Variants in TOPAZ1 observed in about 807,000 individuals in gnomAD.
TOPAZ1 encodes protein TOPAZ1.
TOPAZ1 carries 66 observed loss-of-function variants against 172.2 expected under a neutral mutation model. The observed-to-expected ratio is 0.38, with a 90% CI of 0.31 to 0.47. The LOEUF is 0.47. TOPAZ1 is among the 20% of genes least tolerant of loss of function. The pLI is 0.99. For synonymous variants in TOPAZ1, 681 were observed against 683.9 expected (o/e 1.00, Z 0.07); for missense variants, 1,822 against 1,972.4 (o/e 0.92, Z 1.44).
At chr3:44,297,465 A>G (rs1459950066) in intron 12 of TOPAZ1, among the ~76,000 whole-genome samples, 1 of 152,220 alleles carries the variant, frequency 6.6e-6, no homozygotes, top group Admixed American at 6.5e-5. Context: ...AAAGTCAGCA[A>G]ATTATGAATA....
At chr3:44,309,256 T>G (rs529824652) in intron 15 of TOPAZ1, among the ~76,000 whole-genome samples, 1 of 152,238 alleles carries the variant, frequency 6.6e-6, no homozygotes, top group South Asian at 2.1e-4. Context: ...GCTAACAAGT[T>G]TATCCTTTTT....
chr3:44,292,863 G>A (rs1267350919), intron 12 of TOPAZ1, among the ~76,000 whole-genome samples: 1 of 152,132 alleles, frequency 6.6e-6, no homozygotes, highest in Non-Finnish European at 1.5e-5. Context: ...TTGCCCTATT[G>A]TGCTTTCAAA....
rs1416868179 is a variant in TOPAZ1 at position 44,244,816 on chromosome 3, T to C, written c.2310T>C (p.Ser770=). Residue 770 remains serine, a synonymous_variant, in exon 2 of 20, where the codon TCT becomes TCC. Transcript: ENST00000309765. ...SFYNKKSYSI[S]PSFTKQGNNS... ...ACAATAAGAAATCCTATAGTATTTC[T>C]CCAAGCTTTACAAAGCAAGGTAACA... The C allele has an allele frequency of 3.2e-6, 5 of 1,551,612 alleles. No homozygotes were observed. Among genetic ancestry groups the C allele is most frequent in the African/African-American group, 1.4e-5 (1 of 73,146 alleles).
At chr3:44,311,652 A>G (rs1700398587) in intron 16 of TOPAZ1, among the ~76,000 whole-genome samples, 1 of 152,136 alleles carries the variant, frequency 6.6e-6, no homozygotes, top group African/African-American at 2.4e-5. Flanking sequence ...CATAAGTAAA[A>G]TTTTATCTCT....
chr3:44,318,130 G>A (rs886921492), intron 16 of TOPAZ1, among the ~76,000 whole-genome samples: 3 of 131,566 alleles, frequency 2.3e-5, no homozygotes, highest in Admixed American at 8.0e-5. Flanking sequence ...GGTCAGGCCA[G>A]GAAGGGGAGA....
downstream of TOPAZ1, among the ~76,000 whole-genome samples, chr3:44,333,161 G>A (rs1279266250): frequency 6.6e-6 from 1 of 151,964 alleles, no homozygotes. Context: ...CACAAAATAT[G>A]GTAAATAGCA....
In TOPAZ1 at chr3:44,305,230, C is replaced by G; in HGVS notation, c.3948C>G (p.Phe1316Leu). 1 of 1,548,164 alleles carries G rather than the reference C, an allele frequency of 6.5e-7. No individual in the cohort carries two copies. Among genetic ancestry groups the G allele is most frequent in the Non-Finnish European group, 8.7e-7 (1 of 1,145,796 alleles). ...TGGGCTGTGAAAAATTTGCAGATTT[C>G]CAGACATTTTGTGCTTGCATTGCTG... is the stretch of plus-strand genomic sequence containing the variant. ...VKMGCEKFAD[F>L]QTFCACIAET... The change falls in exon 14 of 20, where the codon TTC becomes TTG. Residue 1316 changes from phenylalanine (F) to leucine (L), a missense_variant. Phe to Leu is a conservative substitution (Grantham distance 22). Transcript: ENST00000309765.
In TOPAZ1 at chr3:44,299,466, G is replaced by A. The variant is rs534887481; in HGVS notation, c.3798-4549G>A. On this transcript the variant is annotated intron_variant, in intron 12 of 19. Coordinates refer to ENST00000309765, the MANE Select transcript of TOPAZ1 (RefSeq NM_001145030.2). Reference sequence around the variant, plus strand: ...GTCAGGAAACAACAGGTGCTGGAGAGGATGTGGAGAAATAGGAACACTTTT... The same window carrying A: ...GTCAGGAAACAACAGGTGCTGGAGAAGATGTGGAGAAATAGGAACACTTTT... Among the ~76,000 whole-genome samples the A allele has an allele frequency of 1.0e-3, 155 of 151,988 alleles. 4 individuals carry two copies. The highest frequency in any genetic ancestry group is 0.01 in the Admixed American group (154 of 15,276).
chr3:44,265,365 T>G (rs945216148), intron 5 of TOPAZ1, among the ~76,000 whole-genome samples: 5 of 152,140 alleles, frequency 3.3e-5, no homozygotes, highest in South Asian at 2.1e-4. Context: ...TTCACCAGCA[T>G]GGCCAAGATG....
chr3:44,262,271 T>C (rs550936529), intron 4 of TOPAZ1, 148 bp from the exon 5 acceptor site: 8 of 361,710 alleles, frequency 2.2e-5, no homozygotes, highest in African/African-American at 1.3e-4. Context: ...TTTTAAATTA[T>C]GTAGAGTAGA....
At chr3:44,326,879 T>G (rs1252454925) in intron 18 of TOPAZ1, among the ~76,000 whole-genome samples, 1 of 152,232 alleles carries the variant, frequency 6.6e-6, no homozygotes, top group Non-Finnish European at 1.5e-5. Flanking sequence ...ATCGTATTAG[T>G]AGATTTCTAG....
At chr3:44,311,125 A>G (rs1235412578) in intron 16 of TOPAZ1, among the ~76,000 whole-genome samples, 1 of 151,724 alleles carries the variant, frequency 6.6e-6, no homozygotes, top group Non-Finnish European at 1.5e-5. Context: ...ACACTAGCAC[A>G]TATATATATA....
At position 44,244,646 on chromosome 3, in the gene TOPAZ1, C is replaced by T. The variant is rs1268484377; in HGVS notation, c.2140C>T (p.Pro714Ser). 1.9e-6 allele frequency: 3 copies of T among 1,551,332 alleles called. No individual in the cohort carries two copies. The South Asian group carries it at 3.6e-5, about 18-fold the overall frequency. The change falls in exon 2 of 20, where the codon CCT (proline) becomes TCT (serine). Residue 714 changes from proline (P) to serine (S), a missense_variant. This residue lies in a region of TOPAZ1 where 1,489 missense variants were observed against 1,490.8 expected (regional missense o/e 1.00). Transcript: ENST00000309765. ...GTCATCAGAGAGAGAAGCTTACAGT[C>T]CTCTAGAACTTCTGGACAATTTATC... Reference protein sequence around the residue: ...AKSSEREAYSPLELLDNLSGA... With the variant: ...AKSSEREAYSSLELLDNLSGA...
intron 3 of TOPAZ1, 31 bp from the exon 4 acceptor site, chr3:44,256,120 G>A: frequency 6.9e-7 from 1 of 1,455,010 alleles, no homozygotes; most frequent in Non-Finnish European, 9.1e-7. Flanking sequence ...TGTCTTTAAA[G>A]TTTCTATAGT....
At chr3:44,308,742 T>G (rs1366320942) in intron 15 of TOPAZ1, among the ~76,000 whole-genome samples, 3 of 152,196 alleles carry the variant, frequency 2.0e-5, no homozygotes, top group East Asian at 1.9e-4. Flanking sequence ...AATTAAAAAT[T>G]TTAACTACTT....
At position 44,243,101 on chromosome 3, in the gene TOPAZ1, C is replaced by T; in HGVS notation, c.595C>T (p.Gln199Ter). The T allele has an allele frequency of 6.5e-7, 1 of 1,548,118 alleles. No individual in the cohort carries two copies. Among genetic ancestry groups the T allele is most frequent in the Non-Finnish European group, 8.7e-7 (1 of 1,145,704 alleles). The change falls in exon 2 of 20, where the codon CAA becomes TAA. Residue 199 changes from glutamine (Q) to a stop codon, truncating the protein, a stop_gained. Coordinates refer to ENST00000309765, the MANE Select transcript of TOPAZ1 (RefSeq NM_001145030.2). LOFTEE classifies it high-confidence loss of function. ...EATQNIKVEF[Q>*]DELYKNTPKY... is the part of the protein sequence containing the mutation. Reference sequence around the variant, plus strand: ...TACACAAAATATTAAGGTTGAATTCCAAGATGAACTGTACAAGAATACTCC... The same window carrying T: ...TACACAAAATATTAAGGTTGAATTCTAAGATGAACTGTACAAGAATACTCC...
intron 4 of TOPAZ1, among the ~76,000 whole-genome samples, chr3:44,257,226 T>G (rs1369968584): frequency 6.6e-6 from 1 of 151,694 alleles, no homozygotes; most frequent in Non-Finnish European, 1.5e-5. Flanking sequence ...TCCCAGCTAC[T>G]TGGCGGGGTG....
chr3:44,264,029 T>C (rs1445315349), intron 5 of TOPAZ1, among the ~76,000 whole-genome samples: 2 of 152,226 alleles, frequency 1.3e-5, no homozygotes, highest in Non-Finnish European at 2.9e-5. Flanking sequence ...TCCTGAAGAC[T>C]AATTTATAAT....
intron 12 of TOPAZ1, 68 bp downstream of exon 12, chr3:44,290,954 G>A: frequency 3.0e-6 from 3 of 990,278 alleles, no homozygotes; most frequent in African/African-American, 3.3e-5. Flanking sequence ...AAAGCTGAAG[G>A]CAAAGCTCTA....
Sources: gnomAD v4.1 joint callset for allele counts (sites outside exome capture counted in the v4.1 genomes callset) on GRCh38, gnomAD v4.1.1 for gene constraint, gnomAD v4.1.1 regional missense constraint, MANE v1.5 for transcripts, NCBI Gene and HGNC (gene_info 2026-07-23, HGNC 2026-07-21) for gene names.